TAFA2: variants seen among roughly 807,000 people sequenced by gnomAD.
TAFA2 encodes TAFA chemokine like family member 2, also known as chemokine-like protein TAFA-2.
Under a neutral mutation model 18.8 loss-of-function variants are expected in TAFA2, and 7 were observed. The observed-to-expected ratio is 0.37, with a 90% CI of 0.21 to 0.70. The LOEUF is 0.70. Among genes scored for constraint, TAFA2 ranks in the 30% least tolerant of loss-of-function variants. The pLI, the probability that TAFA2 is intolerant of heterozygous loss-of-function variation, is 0.53. For missense variants in TAFA2, 122 were observed against 158.1 expected (o/e 0.77, Z 1.23); for synonymous variants, 60 against 54.2 (o/e 1.11, Z -0.47).
intron 2 of TAFA2, among the ~76,000 whole-genome samples, chr12:61,789,239 T>C (rs1233954847): frequency 6.6e-6 from 1 of 151,924 alleles, no homozygotes; most frequent in African/African-American, 2.4e-5. Flanking sequence ...CTGAATGGTA[T>C]TGCCTAGGTT....
chr12:62,065,230 C>T (rs779446192), intron 1 of TAFA2, among the ~76,000 whole-genome samples: 6 of 151,916 alleles, frequency 3.9e-5, no homozygotes, highest in Non-Finnish European at 8.8e-5. Flanking sequence ...ATGTGTTTTA[C>T]TAAGAAAAAG....
At chr12:62,015,545 T>C (rs1269427003) in intron 1 of TAFA2, among the ~76,000 whole-genome samples, 2 of 152,202 alleles carry the variant, frequency 1.3e-5, no homozygotes, top group African/African-American at 2.4e-5. Context: ...TAAATACATA[T>C]ATTGATTTTC....
intron 2 of TAFA2, among the ~76,000 whole-genome samples, chr12:61,757,933 T>A (rs1869352008): frequency 6.6e-6 from 1 of 152,032 alleles, no homozygotes; most frequent in Non-Finnish European, 1.5e-5. Flanking sequence ...AACTACTTGA[T>A]CTTGGTACGT....
At chr12:61,837,005 T>A (rs192762702) in intron 2 of TAFA2, among the ~76,000 whole-genome samples, 1 of 151,482 alleles carries the variant, frequency 6.6e-6, no homozygotes, top group South Asian at 2.1e-4. Context: ...GTTTTTTAAG[T>A]GACCAAAGTT....
At chr12:62,117,145 T>C (rs577541842) in intron 1 of TAFA2, among the ~76,000 whole-genome samples, 2 of 152,320 alleles carry the variant, frequency 1.3e-5, no homozygotes, top group Non-Finnish European at 2.9e-5. Flanking sequence ...ACTCAGTCTG[T>C]AGTATTTTGT....
chr12:61,811,603 T>C (rs1181322320), intron 2 of TAFA2, among the ~76,000 whole-genome samples: 1 of 151,496 alleles, frequency 6.6e-6, no homozygotes, highest in Non-Finnish European at 1.5e-5. Flanking sequence ...TATATATCTG[T>C]ATATAGTAAG....
intron 1 of TAFA2, among the ~76,000 whole-genome samples, chr12:61,956,631 TAA>T (rs34261945): frequency 1.4e-5 from 2 of 142,762 alleles, no homozygotes; most frequent in Middle Eastern, 3.6e-3. Flanking sequence ...TTTGTTTTGT[TAA>T]AAAAAAAAAA....
At chr12:62,026,334 T>C (rs1434612517) in intron 1 of TAFA2, among the ~76,000 whole-genome samples, 1 of 151,554 alleles carries the variant, frequency 6.6e-6, no homozygotes, top group Non-Finnish European at 1.5e-5. Context: ...TCCTTTGAGG[T>C]TTGCCCTTAA....
chr12:61,736,091 T>G (rs1259726803), intron 4 of TAFA2, among the ~76,000 whole-genome samples: 2 of 151,984 alleles, frequency 1.3e-5, no homozygotes, highest in African/African-American at 4.8e-5. Context: ...AGGGCTCCCC[T>G]TCTCAGCAAT....
chr12:61,925,073 C>G (rs1222026454), intron 1 of TAFA2, among the ~76,000 whole-genome samples: 1 of 151,994 alleles, frequency 6.6e-6, no homozygotes, highest in Non-Finnish European at 1.5e-5. Context: ...ACAGGAGCAC[C>G]CATATTCAAA....
At chr12:62,032,098 T>G (rs1881474559) in intron 1 of TAFA2, among the ~76,000 whole-genome samples, 1 of 152,168 alleles carries the variant, frequency 6.6e-6, no homozygotes, top group African/African-American at 2.4e-5. Flanking sequence ...CAGTTATTGA[T>G]GGCACAATAC....
intron 2 of TAFA2, among the ~76,000 whole-genome samples, chr12:61,863,204 A>T (rs1263312329): frequency 6.6e-6 from 1 of 152,180 alleles, no homozygotes. Flanking sequence ...TGCTCCTTAC[A>T]CTGATAGACC....
chr12:62,239,129 T>C (rs1301677151), intron 1 of TAFA2, among the ~76,000 whole-genome samples: 2 of 152,178 alleles, frequency 1.3e-5, no homozygotes, highest in Non-Finnish European at 2.9e-5. Flanking sequence ...TATTTCTACC[T>C]CCAGAGTTTT....
At chr12:62,091,535 G>T (rs1366959264) in intron 1 of TAFA2, among the ~76,000 whole-genome samples, 2 of 151,874 alleles carry the variant, frequency 1.3e-5, no homozygotes, top group Non-Finnish European at 2.9e-5. Context: ...GTGAAGAAGA[G>T]GAAGGTCACC....
intron 2 of TAFA2, among the ~76,000 whole-genome samples, chr12:61,757,496 T>G (rs181921301): frequency 1.8e-4 from 28 of 152,124 alleles, no homozygotes; most frequent in Admixed American, 1.8e-3. Context: ...CAACAACATT[T>G]ATAAAATAAA....
chr12:62,062,936 A>G lies in TAFA2; in HGVS notation c.-2+128323T>C, dbSNP rs371043225. On this transcript the variant is annotated intron_variant, in intron 1 of 4. Coordinates refer to ENST00000416284, the MANE Select transcript of TAFA2 (RefSeq NM_178539.5). ...AGCAACAGCGGATGGAGTCCATGTC[A>G]TGCTTCACATTTTTCTTCTTTCTCT... is the stretch of plus-strand genomic sequence containing the variant. 1.1e-4 allele frequency among the ~76,000 whole-genome samples: 16 copies of G among 152,134 alleles called. No individual in the cohort carries two copies. In the South Asian group the frequency reaches 1.9e-3, roughly 18 times the overall value.
chr12:62,131,150 G>A (rs1483810032), intron 1 of TAFA2, among the ~76,000 whole-genome samples: 1 of 151,854 alleles, frequency 6.6e-6, no homozygotes, highest in Admixed American at 6.6e-5. Flanking sequence ...AAACATACAT[G>A]GCAGTTCACT....
At chr12:62,243,371 T>C (rs2062871449) in intron 1 of TAFA2, among the ~76,000 whole-genome samples, 1 of 152,234 alleles carries the variant, frequency 6.6e-6, no homozygotes. Flanking sequence ...ATGCATGTTA[T>C]GTATCTACTA....
intron 1 of TAFA2, among the ~76,000 whole-genome samples, chr12:62,098,613 C>T (rs1869051340): frequency 6.6e-6 from 1 of 152,156 alleles, no homozygotes; most frequent in African/African-American, 2.4e-5. Context: ...ACCCCAGTAT[C>T]CTTCCAAGCT....
Sources: allele counts gnomAD v4.1 joint callset (sites outside exome capture counted in the v4.1 genomes callset), GRCh38; gene constraint gnomAD v4.1.1; transcripts MANE v1.5; gene names NCBI Gene and HGNC (gene_info 2026-07-23, HGNC 2026-07-21).